The following FNDC3B variants were observed in gnomAD, a reference collection of about 807,000 sequenced individuals.
The protein encoded by FNDC3B is fibronectin type III domain containing 3B.
A neutral mutation model predicts 151.5 loss-of-function variants in FNDC3B; 12 were observed. The ratio of observed to expected loss-of-function variants is 0.08; its 90% CI spans 0.05 to 0.13. The LOEUF (loss-of-function observed/expected upper bound fraction) is 0.13, where lower values mean the gene tolerates loss of function less well. Among genes scored for constraint, FNDC3B ranks in the 10% least tolerant of loss-of-function variants. The pLI is 1.00. For missense variants in FNDC3B, 1,214 were observed against 1,505.3 expected, an observed-to-expected ratio of 0.81 and a Z score of 3.20; for synonymous variants, 528 against 549.0, an observed-to-expected ratio of 0.96 and a Z score of 0.54.
In FNDC3B at chr3:172,089,185, A is replaced by G. The variant is rs184769155; in HGVS notation, c.-28-23267A>G. 5.0e-3 allele frequency among the ~76,000 whole-genome samples: 766 copies of G among 152,360 alleles called. 2 individuals carry two copies. The highest frequency in any genetic ancestry group is 0.018 in the African/African-American group (741 of 41,578). On this transcript the variant is annotated intron_variant, in intron 1 of 25. Transcript: ENST00000415807. ...TTATTAATTATTTAATTTGCAAAGT[A>G]AAAGTAAAAATTAGTTCAGCACAAA...
intron 3 of FNDC3B, among the ~76,000 whole-genome samples, chr3:172,201,368 A>G (rs1725145437): frequency 6.6e-6 from 1 of 152,124 alleles, no homozygotes; most frequent in Non-Finnish European, 1.5e-5. Context: ...TCCCATAACA[A>G]CAAACAAACA....
chr3:172,328,809 T>C, intron 11 of FNDC3B, 143 bp from the exon 12 acceptor site: 1 of 597,236 alleles, frequency 1.7e-6, no homozygotes, highest in South Asian at 3.0e-5. Flanking sequence ...GACACTTCCC[T>C]GTAAGTTTCT....
chr3:172,211,421 G>T (rs1286552849), intron 3 of FNDC3B, among the ~76,000 whole-genome samples: 3 of 152,130 alleles, frequency 2.0e-5, no homozygotes, highest in South Asian at 2.1e-4. Flanking sequence ...GTAGCCCAGG[G>T]TTATAATGAT....
chr3:172,370,901 C>T (rs1188712245), intron 23 of FNDC3B, among the ~76,000 whole-genome samples: 2 of 152,220 alleles, frequency 1.3e-5, no homozygotes, highest in Non-Finnish European at 2.9e-5. Flanking sequence ...TTATCAGCAT[C>T]GTCCACCACA....
intron 3 of FNDC3B, among the ~76,000 whole-genome samples, chr3:172,159,482 A>AAG (rs905445677): frequency 2.0e-5 from 3 of 152,216 alleles, no homozygotes; most frequent in Non-Finnish European, 4.4e-5. Context: ...ATAAGGACCC[A>AAG]AGAGAGAGAT....
At chr3:172,160,502 C>T (rs1361167119) in intron 3 of FNDC3B, among the ~76,000 whole-genome samples, 1 of 152,214 alleles carries the variant, frequency 6.6e-6, no homozygotes, top group Non-Finnish European at 1.5e-5. Flanking sequence ...GAGCTGCTAA[C>T]AATCAAGGGC....
At chr3:172,330,263 C>T (rs1732575935) in intron 12 of FNDC3B, 1 of 300,738 alleles carries the variant, frequency 3.3e-6, no homozygotes, top group Non-Finnish European at 6.1e-6. Context: ...CACGTCACTT[C>T]ATTCACGTGG....
At position 172,397,509 on chromosome 3, in the gene FNDC3B, C is replaced by G; in HGVS notation, c.*34C>G. 3.7e-6 allele frequency: 5 copies of G among 1,367,324 alleles called. No homozygotes were observed. The highest frequency in any genetic ancestry group is 5.0e-6 in the Non-Finnish European group (5 of 997,362). 84.7% of individuals were successfully genotyped at this position (1,367,324 alleles called of 1,614,324 possible). On this transcript the variant is annotated 3_prime_UTR_variant, in exon 26 of 26. Transcript: ENST00000415807. The stretch of plus-strand genomic sequence containing the variant: ...AAACTAGAGGTATGAATTAATGCTA[C>G]ACATTTTAATACACACATTTATTCA...
At chr3:172,077,719 CT>C (rs112120336) in intron 1 of FNDC3B, among the ~76,000 whole-genome samples, 9,145 of 152,180 alleles carry the variant, frequency 0.06, 414 homozygotes, top group East Asian at 0.2. Flanking sequence ...AAATATTTGA[CT>C]TTTTCCCCCC....
In FNDC3B at chr3:172,332,096, G is replaced by A. The variant is rs1484384809; in HGVS notation, c.1555-993G>A. Among the ~76,000 whole-genome samples the A allele has an allele frequency of 2.0e-5, 3 of 152,040 alleles. No homozygotes were observed. The East Asian group carries it at 5.8e-4, about 29-fold the overall frequency. On this transcript the variant is annotated intron_variant, in intron 13 of 25. Coordinates refer to ENST00000415807, the MANE Select transcript of FNDC3B (RefSeq NM_022763.4). ...AGTGATTCTCCTGCCTCAGCCTCCC[G>A]AGTAGCTGGGATTATAGGCACGCAG...
chr3:172,080,676 T>G (rs894377521), intron 1 of FNDC3B, among the ~76,000 whole-genome samples: 2 of 152,160 alleles, frequency 1.3e-5, no homozygotes, highest in African/African-American at 4.8e-5. Flanking sequence ...AGAGCTCACC[T>G]GTAATCTGGT....
At chr3:172,096,633 A>C (rs530912902) in intron 1 of FNDC3B, among the ~76,000 whole-genome samples, 30 of 148,328 alleles carry the variant, frequency 2.0e-4, no homozygotes, top group Admixed American at 1.2e-3. Context: ...CAAAAATAAA[A>C]AAATAGGCAG....
At chr3:172,130,554 G>A (rs1446349106) in intron 2 of FNDC3B, among the ~76,000 whole-genome samples, 2 of 152,196 alleles carry the variant, frequency 1.3e-5, no homozygotes, top group South Asian at 2.1e-4. Context: ...GGACCTTAGA[G>A]GCTGGATGCC....
intron 6 of FNDC3B, among the ~76,000 whole-genome samples, chr3:172,276,618 T>C (rs1196925317): frequency 1.3e-5 from 2 of 152,164 alleles, no homozygotes; most frequent in Non-Finnish European, 2.9e-5. Flanking sequence ...TTACACACAA[T>C]ACCTTGAGCA....
chr3:172,192,227 C>G (rs536253084), intron 3 of FNDC3B, among the ~76,000 whole-genome samples: 1 of 146,162 alleles, frequency 6.8e-6, no homozygotes, highest in East Asian at 2.0e-4. Context: ...GGCTGGAGTG[C>G]AGTGGCGTGA....
chr3:172,129,505 T>C (rs924888598), intron 2 of FNDC3B, among the ~76,000 whole-genome samples: 3 of 152,230 alleles, frequency 2.0e-5, no homozygotes, highest in Non-Finnish European at 4.4e-5. Flanking sequence ...AGGAAAGATA[T>C]TACACCTTCT....
At chr3:172,334,066 T>C (rs921806228) in intron 14 of FNDC3B, among the ~76,000 whole-genome samples, 2 of 152,212 alleles carry the variant, frequency 1.3e-5, no homozygotes, top group African/African-American at 4.8e-5. Context: ...GAAGATAAGA[T>C]TGTCTTCTGA....
intron 2 of FNDC3B, among the ~76,000 whole-genome samples, chr3:172,113,097 T>G (rs181292715): frequency 1.1e-3 from 161 of 152,338 alleles, no homozygotes; most frequent in African/African-American, 3.2e-3. Context: ...CATTGTGGAA[T>G]AGAGTTATTT....
chr3:172,228,268 C>T (rs1471153101), intron 4 of FNDC3B, among the ~76,000 whole-genome samples: 2 of 152,108 alleles, frequency 1.3e-5, no homozygotes, highest in African/African-American at 2.4e-5. Flanking sequence ...TCACATCAGC[C>T]GTCAGTTAAC....
Sources: allele counts gnomAD v4.1 joint callset (sites outside exome capture counted in the v4.1 genomes callset), GRCh38; gene constraint gnomAD v4.1.1; transcripts MANE v1.5; gene names NCBI Gene and HGNC (gene_info 2026-07-23, HGNC 2026-07-21).